The following CCDC61 variants were observed in gnomAD, a reference collection of about 807,000 sequenced individuals.
CCDC61 encodes centrosomal protein CCDC61.
In CCDC61, 55 loss-of-function variants were observed where a neutral mutation model predicts 63.0. The observed-to-expected ratio is 0.87, with a 90% CI of 0.70 to 1.09. The LOEUF (loss-of-function observed/expected upper bound fraction) is 1.09. Ranked by LOEUF, CCDC61 falls within the 50% of genes least tolerant of loss-of-function variation. CCDC61 has a pLI of 0.00. For synonymous variants in CCDC61, 270 were observed against 317.0 expected (o/e 0.85, Z 1.58); for missense variants, 651 against 731.4 (o/e 0.89, Z 1.27).
In CCDC61 at chr19:45,998,665, C is replaced by T. The variant is rs181944187; in HGVS notation, c.-12+3161C>T. On this transcript the variant is annotated intron_variant, in intron 1 of 13. Coordinates refer to ENST00000595358, the MANE Select transcript of CCDC61 (RefSeq NM_001267723.2). ...ATTGATTAAAATGGCTCTGCCCTCA[C>T]GGGCTCCTGGTCTGTCAAATAATCA... 2.2e-3 allele frequency among the ~76,000 whole-genome samples: 341 copies of T among 152,340 alleles called. 3 individuals carry two copies. Among genetic ancestry groups the T allele is most frequent in the African/African-American group, 7.8e-3 (323 of 41,578 alleles).
chr19:46,002,883 G>A, intron 1 of CCDC61, 125 bp from the exon 2 acceptor site: 1 of 876,020 alleles, frequency 1.1e-6, no homozygotes, highest in South Asian at 1.6e-5. Context: ...GCACAGAGAG[G>A]TGAATTCGCT....
At chr19:45,998,367 C>T (rs957283224) in intron 1 of CCDC61, among the ~76,000 whole-genome samples, 1 of 152,188 alleles carries the variant, frequency 6.6e-6, no homozygotes. Flanking sequence ...TTCATAAGCA[C>T]TTGTGGTAAG....
chr19:46,006,759 G>C lies in CCDC61; in HGVS notation c.389+43G>C, dbSNP rs747396388. On this transcript the variant is annotated intron_variant, in intron 4 of 13. Transcript: ENST00000595358. ...GCTCCAGGGCCAGGCTGGTGGGCGG[G>C]GTGGGAGAGGATGTGGGTAGGCCTT... 4.5e-6 allele frequency: 7 copies of C among 1,554,832 alleles called. No individual in the cohort carries two copies. The South Asian group carries it at 8.3e-5, about 18-fold the overall frequency.
intron 3 of CCDC61, among the ~76,000 whole-genome samples, chr19:46,004,983 C>T (rs1968675010): frequency 6.6e-6 from 1 of 151,188 alleles, no homozygotes; most frequent in South Asian, 2.1e-4. Flanking sequence ...GGACTACAGG[C>T]CTGCCCACCA....
At chr19:46,011,443 G>A (rs1457290594) in intron 5 of CCDC61, among the ~76,000 whole-genome samples, 1 of 152,156 alleles carries the variant, frequency 6.6e-6, no homozygotes, top group Non-Finnish European at 1.5e-5. Context: ...GTCCTGTAGA[G>A]TTTTGCAGTC....
chr19:46,016,577 T>A lies in CCDC61; in HGVS notation c.1092-117T>A. 6.7e-7 allele frequency: 1 copy of A among 1,482,642 alleles called. No individual in the cohort carries two copies. Among genetic ancestry groups the A allele is most frequent in the Non-Finnish European group, 9.2e-7 (1 of 1,091,988 alleles). The allele number at this position is 1,482,642 out of a possible 1,614,324, so 91.8% of individuals were successfully genotyped here. ...GTCTGTGTTTCTGCGTGCTTTCCGC[T>A]CGTAGGCCTGTCACCTCAGGCTTTC... On this transcript the variant is annotated intron_variant, in intron 9 of 13. Transcript: ENST00000595358. The surrounding 1 kb of genome is among the most constrained non-coding windows in gnomAD (Gnocchi z 7.2).
intron 5 of CCDC61, among the ~76,000 whole-genome samples, chr19:46,009,676 G>T (rs1968786009): frequency 6.6e-6 from 1 of 152,230 alleles, no homozygotes; most frequent in African/African-American, 2.4e-5. Context: ...CGGAGGACCA[G>T]TCCTTATGGG....
At chr19:46,017,146 T>G (rs574809072) in intron 11 of CCDC61, 77 bp downstream of exon 11, 2 of 1,546,656 alleles carry the variant, frequency 1.3e-6, no homozygotes, top group Non-Finnish European at 8.8e-7. Context: ...TGCAGGGAAA[T>G]TGGGTGATGG....
intron 3 of CCDC61, among the ~76,000 whole-genome samples, chr19:46,006,149 CT>C (rs1968705078): frequency 6.6e-6 from 1 of 152,178 alleles, no homozygotes; most frequent in African/African-American, 2.4e-5. Flanking sequence ...GGCTTGATTT[CT>C]CCTAAGGCAC....
At chr19:46,017,948 A>ATG (rs1251176077) in intron 12 of CCDC61, 130 bp from the exon 13 acceptor site, 1 of 735,904 alleles carries the variant, frequency 1.4e-6, no homozygotes, top group Non-Finnish European at 2.2e-6. Context: ...TTTGCAGATA[A>ATG]TGAATGGCCA....
chr19:46,018,024 G>A lies in CCDC61; in HGVS notation c.1369-54G>A. The A allele has an allele frequency of 6.8e-7, 1 of 1,477,598 alleles. No homozygotes were observed. The highest frequency in any genetic ancestry group is 9.2e-7 in the Non-Finnish European group (1 of 1,087,004). The allele number at this position is 1,477,598 out of a possible 1,614,324, so 91.5% of individuals were successfully genotyped here. On this transcript the variant is annotated intron_variant, in intron 12 of 13. Transcript: ENST00000595358. This position sits in a 1 kb window ranked among gnomAD's most constrained non-coding sequence, Gnocchi z 4.2. ...CAGGATTTCCAGTGGGATTTAGGGGGACAGAAATAGAGGGACGGTGGGTGA... is the reference window on the plus strand; with the variant it reads ...CAGGATTTCCAGTGGGATTTAGGGGAACAGAAATAGAGGGACGGTGGGTGA...
Position 46,017,078 on chromosome 19 carries a change from T to G in CCDC61, c.1310+9T>G, listed in dbSNP as rs1480703523. The G allele has an allele frequency of 3.7e-6, 6 of 1,610,748 alleles. No individual in the cohort carries two copies. The highest frequency in any genetic ancestry group is 1.1e-5 in the South Asian group (1 of 90,166). On this transcript the variant is annotated intron_variant, in intron 11 of 13. Transcript: ENST00000595358. ...GAGTCGCTCTCCAGAGGGTAAAACTTGAACTTGGGAAAAGGATCGCCTCCA... is the reference window on the plus strand; with the variant it reads ...GAGTCGCTCTCCAGAGGGTAAAACTGGAACTTGGGAAAAGGATCGCCTCCA...
Position 46,015,028 on chromosome 19 carries a change from C to A in CCDC61, c.552-21C>A, listed in dbSNP as rs1433398845. On this transcript the variant is annotated intron_variant, in intron 5 of 13. Coordinates refer to ENST00000595358, the MANE Select transcript of CCDC61 (RefSeq NM_001267723.2). This position sits in a 1 kb window ranked among gnomAD's most constrained non-coding sequence, Gnocchi z 5.3. The stretch of plus-strand genomic sequence containing the variant: ...TGGGGCCATGCCTCTCTCTCCAGCG[C>A]TCTCTCCGCGTCTTCCCCAGGGTGT... The A allele has an allele frequency of 1.3e-6, 2 of 1,488,722 alleles. No homozygotes were observed. The highest frequency in any genetic ancestry group is 8.9e-7 in the Non-Finnish European group (1 of 1,122,700). The allele number at this position is 1,488,722 out of a possible 1,614,324, so 92.2% of individuals were successfully genotyped here. A position where few individuals can be genotyped will look rare whatever the true frequency, so the allele number is the denominator to read the frequency against.
At chr19:46,003,239 C>T in intron 2 of CCDC61, 73 bp downstream of exon 2, 5 of 1,509,008 alleles carry the variant, frequency 3.3e-6, no homozygotes, top group Non-Finnish European at 4.5e-6. Flanking sequence ...ATCAGGCCAC[C>T]CTGAATCCTG....
intron 1 of CCDC61, 21 bp downstream of exon 1, chr19:45,995,525 C>T (rs202178596): frequency 1.6e-5 from 8 of 509,382 alleles, no homozygotes; most frequent in Middle Eastern, 3.5e-4. Context: ...GCGGGAGTGG[C>T]GGTTGCGCGG....
At position 46,016,604 on chromosome 19, in the gene CCDC61, C is replaced by T; in HGVS notation, c.1092-90C>T. The T allele has an allele frequency of 6.4e-7, 1 of 1,552,558 alleles. No individual in the cohort carries two copies. The highest frequency in any genetic ancestry group is 2.3e-5 in the East Asian group (1 of 43,044). On this transcript the variant is annotated intron_variant, in intron 9 of 13. Coordinates refer to ENST00000595358, the MANE Select transcript of CCDC61 (RefSeq NM_001267723.2). The surrounding 1 kb of genome is among the most constrained non-coding windows in gnomAD (Gnocchi z 7.2). ...GTAGGCCTGTCACCTCAGGCTTTCG[C>T]TGGCGTGGCTGTGACCTTTAGGGGC...
chr19:46,016,518 C>T lies in CCDC61; in HGVS notation c.1091+125C>T. 7.3e-7 allele frequency: 1 copy of T among 1,376,364 alleles called. No homozygotes were observed. Among genetic ancestry groups the T allele is most frequent in the East Asian group, 2.4e-5 (1 of 41,344 alleles). 85.3% of individuals were successfully genotyped at this position (1,376,364 alleles called of 1,614,324 possible). ...CCTGCTCGCTTCTCGCCGGATACCC[C>T]GCCTGCTCTCCCTTCCGTCCGTCCT... On this transcript the variant is annotated intron_variant, in intron 9 of 13. Transcript: ENST00000595358. This position sits in a 1 kb window ranked among gnomAD's most constrained non-coding sequence, Gnocchi z 7.2.
Position 46,007,731 on chromosome 19 carries a change from C to T in CCDC61, c.390-409C>T, listed in dbSNP as rs58446978. On this transcript the variant is annotated intron_variant, in intron 4 of 13. Coordinates refer to ENST00000595358, the MANE Select transcript of CCDC61 (RefSeq NM_001267723.2). ...CTCTGTGAATAGCATCTCATGGGGCCGTTAATCACAATGGCTCACCTTTCC... is the reference window on the plus strand; with the variant it reads ...CTCTGTGAATAGCATCTCATGGGGCTGTTAATCACAATGGCTCACCTTTCC... 8.1e-3 allele frequency among the ~76,000 whole-genome samples: 1,226 copies of T among 152,250 alleles called. 17 individuals carry two copies. Among genetic ancestry groups the T allele is most frequent in the African/African-American group, 0.028 (1,176 of 41,530 alleles).
chr19:46,005,024 A>T (rs7359985), intron 3 of CCDC61, among the ~76,000 whole-genome samples: 3,795 of 149,142 alleles, frequency 0.025, 168 homozygotes, highest in African/African-American at 0.09. Context: ...TTATTTATTT[A>T]TTTTTTTTGA....
Sources: gnomAD v4.1 joint callset for allele counts (sites outside exome capture counted in the v4.1 genomes callset) on GRCh38, gnomAD v4.1.1 for gene constraint, Gnocchi (gnomAD v3.1) non-coding constraint, MANE v1.5 for transcripts, NCBI Gene and HGNC (gene_info 2026-07-23, HGNC 2026-07-21) for gene names.